CADPS: variants seen among roughly 807,000 people sequenced by gnomAD.
CADPS encodes the protein calcium-dependent secretion activator 1.
Under a neutral mutation model 167.3 loss-of-function variants are expected in CADPS, and 57 were observed. That is an observed-to-expected ratio of 0.34 (90% CI 0.28 to 0.42). The LOEUF (loss-of-function observed/expected upper bound fraction) is 0.42, where lower values mean the gene tolerates loss of function less well. Ranked by LOEUF, CADPS falls within the 20% of genes least tolerant of loss-of-function variation. The pLI is 1.00. For missense variants in CADPS, 1,414 were observed against 1,738.1 expected (o/e 0.81, Z 3.32); for synonymous variants, 676 against 635.3 (o/e 1.06, Z -0.96).
intron 9 of CADPS, among the ~76,000 whole-genome samples, chr3:62,566,758 C>G (rs928061857): frequency 6.6e-6 from 1 of 152,142 alleles, no homozygotes; most frequent in African/African-American, 2.4e-5. Flanking sequence ...CACGTCACCT[C>G]TGTGTGTCAC....
At chr3:62,562,823 A>T (rs1416848973) in intron 9 of CADPS, among the ~76,000 whole-genome samples, 2 of 152,230 alleles carry the variant, frequency 1.3e-5, no homozygotes, top group Non-Finnish European at 2.9e-5. Context: ...CAATCAACAT[A>T]GTATCTCCTT....
chr3:62,555,522 C>G (rs1242770868), intron 10 of CADPS, among the ~76,000 whole-genome samples: 4 of 152,166 alleles, frequency 2.6e-5, no homozygotes, highest in African/African-American at 9.7e-5. Context: ...TAAACAATAG[C>G]CTTTGATATC....
intron 1 of CADPS, among the ~76,000 whole-genome samples, chr3:62,772,548 C>T (rs1211042639): frequency 6.6e-6 from 1 of 151,888 alleles, no homozygotes; most frequent in African/African-American, 2.4e-5. Flanking sequence ...AAATGTGGTC[C>T]TTACATTTTT....
chr3:62,437,212 C>G (rs2149743118), intron 28 of CADPS, among the ~76,000 whole-genome samples: 1 of 152,128 alleles, frequency 6.6e-6, no homozygotes, highest in South Asian at 2.1e-4. Context: ...ACATCAGCTT[C>G]CATGCACTCT....
intron 1 of CADPS, among the ~76,000 whole-genome samples, chr3:62,794,112 T>C (rs1316293690): frequency 6.6e-6 from 1 of 152,130 alleles, no homozygotes; most frequent in Non-Finnish European, 1.5e-5. Context: ...ATAAAAAATA[T>C]GATGGAATGA....
At chr3:62,692,624 G>A (rs2079380716) in intron 3 of CADPS, among the ~76,000 whole-genome samples, 1 of 151,972 alleles carries the variant, frequency 6.6e-6, no homozygotes, top group Non-Finnish European at 1.5e-5. Context: ...TTAGAAAGAT[G>A]CCATTCCTTT....
At chr3:62,469,051 C>A (rs1380944417) in intron 24 of CADPS, among the ~76,000 whole-genome samples, 1 of 152,138 alleles carries the variant, frequency 6.6e-6, no homozygotes, top group Non-Finnish European at 1.5e-5. Context: ...ATACATTTCT[C>A]TAAACTCACC....
intron 13 of CADPS, chr3:62,530,630 G>T: frequency 7.9e-7 from 1 of 1,268,714 alleles, no homozygotes; most frequent in Non-Finnish European, 1.0e-6. Context: ...ACAAACACAA[G>T]CCAATACACA....
At chr3:62,448,143 C>A (rs2150009842) in intron 26 of CADPS, among the ~76,000 whole-genome samples, 1 of 152,312 alleles carries the variant, frequency 6.6e-6, no homozygotes, top group South Asian at 2.1e-4. Flanking sequence ...AACTCTTGAT[C>A]TCCTCAATAT....
intron 13 of CADPS, among the ~76,000 whole-genome samples, chr3:62,530,319 T>A (rs2073360204): frequency 6.6e-6 from 1 of 152,196 alleles, no homozygotes; most frequent in South Asian, 2.1e-4. Context: ...CATGGGTTGC[T>A]TATTATGAAT....
chr3:62,749,386 C>G (rs1412073273), intron 3 of CADPS, among the ~76,000 whole-genome samples: 1 of 152,152 alleles, frequency 6.6e-6, no homozygotes, highest in East Asian at 1.9e-4. Context: ...GGAACTTTCA[C>G]AAAGCAGCAG....
At chr3:62,761,751 A>G (rs2085499462) in intron 2 of CADPS, among the ~76,000 whole-genome samples, 1 of 152,062 alleles carries the variant, frequency 6.6e-6, no homozygotes, top group Non-Finnish European at 1.5e-5. Flanking sequence ...AAATAGTTAG[A>G]AAAGGTGTGA....
At chr3:62,782,255 T>C (rs1320388263) in intron 1 of CADPS, among the ~76,000 whole-genome samples, 1 of 152,192 alleles carries the variant, frequency 6.6e-6, no homozygotes, top group Admixed American at 6.5e-5. Flanking sequence ...ACATCAGGAC[T>C]TACTGTTCAA....
At chr3:62,724,396 C>A (rs1248730134) in intron 3 of CADPS, among the ~76,000 whole-genome samples, 4 of 144,204 alleles carry the variant, frequency 2.8e-5, no homozygotes, top group African/African-American at 1.1e-4. Context: ...ATTTCATGGA[C>A]TAAGAAACAA....
intron 3 of CADPS, among the ~76,000 whole-genome samples, chr3:62,664,017 T>A (rs544450901): frequency 5.0e-4 from 76 of 152,286 alleles, no homozygotes; most frequent in African/African-American, 1.8e-3. Context: ...TATTTATTTT[T>A]TTTCCCCCGA....
At chr3:62,527,474 G>T (rs1475738523) in intron 13 of CADPS, among the ~76,000 whole-genome samples, 2 of 151,832 alleles carry the variant, frequency 1.3e-5, no homozygotes, top group East Asian at 3.9e-4. Flanking sequence ...GGGGAGTGGG[G>T]ATTACCCCCA....
intron 4 of CADPS, among the ~76,000 whole-genome samples, chr3:62,653,778 A>C (rs1452653334): frequency 6.6e-6 from 1 of 152,046 alleles, no homozygotes; most frequent in African/African-American, 2.4e-5. Flanking sequence ...TTCTGAAAGA[A>C]CACCGAGATT....
chr3:62,526,335 G>A (rs955067506), intron 13 of CADPS, among the ~76,000 whole-genome samples: 6 of 152,152 alleles, frequency 3.9e-5, no homozygotes, highest in South Asian at 2.1e-4. Context: ...GGATTGCGGC[G>A]GTTGGCATTA....
At chr3:62,463,588 C>T (rs779888647) in intron 26 of CADPS, among the ~76,000 whole-genome samples, 1 of 152,204 alleles carries the variant, frequency 6.6e-6, no homozygotes, top group Non-Finnish European at 1.5e-5. Flanking sequence ...GAATCCCACT[C>T]TCTCCAGGAA....
Sources: gnomAD v4.1 joint callset for allele counts (sites outside exome capture counted in the v4.1 genomes callset) on GRCh38, gnomAD v4.1.1 for gene constraint, MANE v1.5 for transcripts, NCBI Gene and HGNC (gene_info 2026-07-23, HGNC 2026-07-21) for gene names.